Variants in ARHGAP35 observed in about 807,000 individuals in gnomAD.
The protein encoded by ARHGAP35 is rho GTPase-activating protein 35.
Under a neutral mutation model 111.1 loss-of-function variants are expected in ARHGAP35, and 15 were observed. That is an observed-to-expected ratio of 0.13 (90% CI 0.09 to 0.21). ARHGAP35 has a LOEUF of 0.21. Among genes scored for constraint, ARHGAP35 ranks in the 10% least tolerant of loss-of-function variants. The pLI is 1.00. For missense variants in ARHGAP35, 1,262 were observed against 1,873.0 expected (o/e 0.67, Z 6.02); for synonymous variants, 643 against 710.3 (o/e 0.91, Z 1.51).
At chr19:46,892,489 A>AG (rs2122154464) in intron 1 of ARHGAP35, among the ~76,000 whole-genome samples, 1 of 150,296 alleles carries the variant, frequency 6.7e-6, no homozygotes, top group African/African-American at 2.4e-5. Context: ...AAAAAAAAAA[A>AG]TTGGTTAATG....
intron 3 of ARHGAP35, among the ~76,000 whole-genome samples, chr19:46,980,182 C>T (rs886783405): frequency 3.3e-5 from 5 of 152,080 alleles, no homozygotes; most frequent in East Asian, 1.9e-4. Flanking sequence ...GTCAGGAGTT[C>T]AAGACCAGCC....
chr19:46,861,961 G>C (rs1010420908), intron 1 of ARHGAP35, among the ~76,000 whole-genome samples: 14 of 152,260 alleles, frequency 9.2e-5, no homozygotes, highest in Middle Eastern at 3.4e-3. Flanking sequence ...GCTGCACCCC[G>C]GGATGCCCCT....
chr19:46,914,347 A>G (rs888083058), intron 1 of ARHGAP35, among the ~76,000 whole-genome samples: 2 of 152,168 alleles, frequency 1.3e-5, no homozygotes, highest in African/African-American at 4.8e-5. Context: ...GCTCGTGCCT[A>G]TGATCCCAGC....
rs1025447141 is a variant in ARHGAP35 at position 47,002,127 on chromosome 19, C to G, written c.*1439C>G. 2.0e-5 allele frequency: 3 copies of G among 152,852 alleles called. No homozygotes were observed. Among genetic ancestry groups the G allele is most frequent in the Non-Finnish European group, 2.9e-5 (2 of 68,178 alleles). The allele number at this position is 152,852 out of a possible 1,614,324, so 9.5% of individuals were successfully genotyped here. On this transcript the variant is annotated 3_prime_UTR_variant, in exon 7 of 7. Coordinates refer to ENST00000672722, the MANE Select transcript of ARHGAP35 (RefSeq NM_004491.5). Reference sequence around the variant, plus strand: ...GGCTGTGGCCTCTGCGGCCAGGAAGCCTGACACTAGGCACCCCCCAGGCGA... The same window carrying G: ...GGCTGTGGCCTCTGCGGCCAGGAAGGCTGACACTAGGCACCCCCCAGGCGA...
intron 3 of ARHGAP35, among the ~76,000 whole-genome samples, chr19:46,960,950 A>G (rs1376378097): frequency 1.4e-5 from 2 of 147,450 alleles, no homozygotes; most frequent in Non-Finnish European, 3.0e-5. Flanking sequence ...GCTGGAGTGC[A>G]GTGGCGCAAT....
intron 1 of ARHGAP35, among the ~76,000 whole-genome samples, chr19:46,907,796 C>G (rs1035273410): frequency 2.0e-5 from 3 of 152,160 alleles, no homozygotes; most frequent in African/African-American, 7.2e-5. Context: ...TTAGGTTGGC[C>G]TTAGCTTCAG....
At chr19:46,865,139 G>A (rs532323889) in intron 1 of ARHGAP35, among the ~76,000 whole-genome samples, 1 of 152,304 alleles carries the variant, frequency 6.6e-6, no homozygotes, top group South Asian at 2.1e-4. Flanking sequence ...ATGGGATTGG[G>A]TGCTACAGAA....
intron 3 of ARHGAP35, among the ~76,000 whole-genome samples, chr19:46,941,711 C>G (rs1472284260): frequency 6.6e-6 from 1 of 150,894 alleles, no homozygotes; most frequent in East Asian, 2.0e-4. Flanking sequence ...AGGCATGTGC[C>G]ACCATGTCTG....
rs1276749687 is a variant in ARHGAP35 at position 47,004,747 on chromosome 19, A to T, written c.*4059A>T. 1.3e-5 allele frequency: 2 copies of T among 152,582 alleles called. No homozygotes were observed. The highest frequency in any genetic ancestry group is 6.5e-5 in the Admixed American group (1 of 15,290). 9.5% of individuals were successfully genotyped at this position (152,582 alleles called of 1,614,324 possible). The stretch of plus-strand genomic sequence containing the variant: ...TTTCGCAGCAAAAGTGAAGACCTGT[A>T]TGTAAAGAAAGTATAACAATTATTT... On this transcript the variant is annotated 3_prime_UTR_variant, in exon 7 of 7. Coordinates refer to ENST00000672722, the MANE Select transcript of ARHGAP35 (RefSeq NM_004491.5).
intron 3 of ARHGAP35, among the ~76,000 whole-genome samples, chr19:46,970,110 G>A (rs974634279): frequency 6.6e-6 from 1 of 152,204 alleles, no homozygotes; most frequent in South Asian, 2.1e-4. Context: ...ATTAGATTGG[G>A]ACAAAGAAAG....
chr19:46,906,496 A>G (rs2056108603), intron 1 of ARHGAP35, among the ~76,000 whole-genome samples: 2 of 152,246 alleles, frequency 1.3e-5, no homozygotes, highest in Admixed American at 6.5e-5. Flanking sequence ...GACCCCAGGC[A>G]GGGGCCTAGT....
chr19:46,862,179 ACT>A (rs573342904), intron 1 of ARHGAP35, among the ~76,000 whole-genome samples: 163 of 150,622 alleles, frequency 1.1e-3, no homozygotes, highest in African/African-American at 3.7e-3. Context: ...CTTGCTTCTG[ACT>A]CTGCCTTCCC....
At chr19:46,962,629 TG>T (rs2056490816) in intron 3 of ARHGAP35, among the ~76,000 whole-genome samples, 1 of 152,186 alleles carries the variant, frequency 6.6e-6, no homozygotes, top group South Asian at 2.1e-4. Flanking sequence ...GTTTTTGAAA[TG>T]GAGTCTCGCT....
intron 1 of ARHGAP35, among the ~76,000 whole-genome samples, chr19:46,883,458 A>G (rs1388763126): frequency 6.6e-6 from 1 of 152,230 alleles, no homozygotes; most frequent in Non-Finnish European, 1.5e-5. Flanking sequence ...GATGAGGAGC[A>G]GTTAGAACAC....
chr19:46,873,746 G>C (rs1297370060), intron 1 of ARHGAP35, among the ~76,000 whole-genome samples: 1 of 151,528 alleles, frequency 6.6e-6, no homozygotes, highest in Non-Finnish European at 1.5e-5. Context: ...ATTTATTTAA[G>C]CTTTTTTTTT....
intron 1 of ARHGAP35, among the ~76,000 whole-genome samples, chr19:46,881,995 A>T (rs2055964683): frequency 6.6e-6 from 1 of 152,130 alleles, no homozygotes; most frequent in Non-Finnish European, 1.5e-5. Context: ...CCAGCTTCTA[A>T]CTTTTCTCTG....
chr19:46,877,248 C>CAA (rs35968599), intron 1 of ARHGAP35, among the ~76,000 whole-genome samples: 11 of 89,838 alleles, frequency 1.2e-4, no homozygotes, highest in South Asian at 4.0e-4. Context: ...AAAACTGTCT[C>CAA]AAAAAAAAAA....
intron 1 of ARHGAP35, among the ~76,000 whole-genome samples, chr19:46,907,571 C>G (rs1017993408): frequency 2.0e-5 from 3 of 152,072 alleles, no homozygotes; most frequent in Admixed American, 1.3e-4. Flanking sequence ...CTCCGCCTCC[C>G]GGGTTCACGC....
In ARHGAP35 at chr19:46,921,316, A is replaced by G. The variant is rs377617202; in HGVS notation, c.2641A>G (p.Ile881Val). The change falls in exon 2 of 7, where the codon ATC (isoleucine) becomes GTC (valine). Residue 881 changes from isoleucine to valine, a missense_variant. By Grantham distance (29) the Ile-to-Val change is conservative (BLOSUM62 3). Transcript: ENST00000672722. This position sits in a 1 kb window ranked among gnomAD's most constrained non-coding sequence, Gnocchi z 4.3. The stretch of plus-strand genomic sequence containing the variant: ...CTTTCTTTGTGAAGTGCAGGATATT[A>G]TCCCTATTCAGCTTGTAGCACTCAC... ...RAFLCEVQDI[I>V]PIQLVALTDG... 7.4e-6 allele frequency: 12 copies of G among 1,613,858 alleles called. No homozygotes were observed. Among genetic ancestry groups the G allele is most frequent in the African/African-American group, 1.3e-5 (1 of 74,900 alleles).
Sources: gnomAD v4.1 joint callset for allele counts (sites outside exome capture counted in the v4.1 genomes callset) on GRCh38, gnomAD v4.1.1 for gene constraint, Gnocchi (gnomAD v3.1) non-coding constraint, MANE v1.5 for transcripts, NCBI Gene and HGNC (gene_info 2026-07-23, HGNC 2026-07-21) for gene names.